Variants in ESRRG observed in about 807,000 individuals in gnomAD.
The protein encoded by ESRRG is estrogen-related receptor gamma.
A neutral mutation model predicts 44.0 loss-of-function variants in ESRRG; 13 were observed. That is an observed-to-expected ratio of 0.30 (90% CI 0.19 to 0.47). The LOEUF (loss-of-function observed/expected upper bound fraction) is 0.47. ESRRG is among the 20% of genes least tolerant of loss of function. ESRRG has a pLI of 1.00. For synonymous variants in ESRRG, 215 were observed against 214.6 expected (o/e 1.00, Z -0.02); for missense variants, 395 against 580.6 (o/e 0.68, Z 3.29).
At chr1:217,005,866 A>G (rs572302732) in intron 1 of ESRRG, among the ~76,000 whole-genome samples, 7 of 152,222 alleles carry the variant, frequency 4.6e-5, no homozygotes, top group African/African-American at 1.4e-4. Flanking sequence ...TAATGTGTCA[A>G]CTTCAGAGCC....
intron 2 of ESRRG, among the ~76,000 whole-genome samples, chr1:216,771,475 C>T (rs1225337081): frequency 6.6e-6 from 1 of 152,094 alleles, no homozygotes; most frequent in Non-Finnish European, 1.5e-5. Flanking sequence ...ATAATATATT[C>T]TAGTGTATTC....
In ESRRG at chr1:216,969,422, G is replaced by GA. The variant is rs893560743; in HGVS notation, c.-105-29750dup. Among the ~76,000 whole-genome samples, 105 of 151,292 alleles carry GA rather than the reference G, an allele frequency of 6.9e-4. 1 individual carries two copies. The highest frequency in any genetic ancestry group is 1.9e-3 in the African/African-American group (80 of 41,088). On this transcript the variant is annotated intron_variant, in intron 1 of 7. Coordinates refer to the ESRRG transcript ENST00000359162. ...CTCATCCAAATTGAAAAAAAACATA[G>GA]AAAAAAACATAAAAAATAGGTAAAC...
chr1:216,953,091 T>C (rs2150092739), intron 1 of ESRRG, among the ~76,000 whole-genome samples: 1 of 152,300 alleles, frequency 6.6e-6, no homozygotes, highest in East Asian at 1.9e-4. Flanking sequence ...TTCGAGCTTT[T>C]CTGACAGCCA....
At chr1:216,881,941 T>C (rs745779155) in intron 2 of ESRRG, among the ~76,000 whole-genome samples, 5 of 151,282 alleles carry the variant, frequency 3.3e-5, no homozygotes, top group South Asian at 4.2e-4. Flanking sequence ...ATGAGTCTTC[T>C]GAATGCAATG....
intron 2 of ESRRG, among the ~76,000 whole-genome samples, chr1:216,769,661 C>A (rs747248678): frequency 2.6e-5 from 4 of 152,038 alleles, no homozygotes; most frequent in South Asian, 2.1e-4. Context: ...AATGTGAATT[C>A]TCTTCTATTA....
At chr1:216,821,375 T>A (rs758545525) in intron 2 of ESRRG, among the ~76,000 whole-genome samples, 1 of 152,064 alleles carries the variant, frequency 6.6e-6, no homozygotes, top group Non-Finnish European at 1.5e-5. Context: ...TTTGTGGGGA[T>A]CTTAATGGTT....
intron 3 of ESRRG, among the ~76,000 whole-genome samples, chr1:216,636,967 T>G (rs1175750950): frequency 6.6e-6 from 1 of 152,234 alleles, no homozygotes; most frequent in Non-Finnish European, 1.5e-5. Flanking sequence ...TTTATTTTTC[T>G]ACACTATCCC....
chr1:217,135,255 C>A (rs1403536543), intron 1 of ESRRG, among the ~76,000 whole-genome samples: 1 of 152,008 alleles, frequency 6.6e-6, no homozygotes, highest in East Asian at 1.9e-4. Context: ...ACCCCCTGCT[C>A]CGCCCAGCCC....
chr1:217,108,866 G>A (rs930905339), intron 1 of ESRRG, among the ~76,000 whole-genome samples: 3 of 152,014 alleles, frequency 2.0e-5, no homozygotes, highest in South Asian at 2.1e-4. Context: ...ATGCAAGAAC[G>A]GCCTAACACA....
intron 5 of ESRRG, among the ~76,000 whole-genome samples, chr1:216,552,812 G>A (rs536284847): frequency 3.2e-4 from 49 of 152,176 alleles, no homozygotes; most frequent in Admixed American, 3.0e-3. Context: ...TATTAGAAAG[G>A]GGTGTTACAA....
Position 216,627,515 on chromosome 1 carries a change from C to T in ESRRG, c.589+23458G>A, listed in dbSNP as rs538339812. Reference sequence around the variant, plus strand: ...TATGGTGCCAGCTTTGCTTACTCTACTTTGCTGCGCAGGGTCAAGATATAA... The same window carrying T: ...TATGGTGCCAGCTTTGCTTACTCTATTTTGCTGCGCAGGGTCAAGATATAA... On this transcript the variant is annotated intron_variant, in intron 3 of 6. Coordinates refer to ENST00000408911, the MANE Select transcript of ESRRG (RefSeq NM_001438.4). 8.7e-4 allele frequency among the ~76,000 whole-genome samples: 133 copies of T among 152,286 alleles called. 2 individuals are homozygous for T. The highest frequency in any genetic ancestry group is 1.3e-3 in the Non-Finnish European group (87 of 68,018).
intron 3 of ESRRG, among the ~76,000 whole-genome samples, chr1:216,586,042 A>T (rs898846766): frequency 1.1e-4 from 10 of 92,644 alleles, no homozygotes; most frequent in African/African-American, 4.5e-4. Flanking sequence ...TCCGTCTCAA[A>T]ATAAATAAAT....
chr1:216,998,710 C>A (rs2076666800), intron 1 of ESRRG, among the ~76,000 whole-genome samples: 1 of 152,148 alleles, frequency 6.6e-6, no homozygotes, highest in Non-Finnish European at 1.5e-5. Flanking sequence ...TAGAAATATT[C>A]CTTCACACAG....
Position 216,503,472 on chromosome 1 carries a change from T to A in ESRRG, c.*3467A>T, listed in dbSNP as rs568568296. The A allele has an allele frequency of 6.6e-6, 1 of 152,660 alleles. No individual in the cohort carries two copies. The highest frequency in any genetic ancestry group is 2.1e-4 in the South Asian group (1 of 4,822). The allele number at this position is 152,660 out of a possible 1,614,324, so 9.5% of individuals were successfully genotyped here. ...TATACAATTGATTGCTTTACAGATG[T>A]GAAGCCCATCTACAGCTATAGACAT... On this transcript the variant is annotated 3_prime_UTR_variant, in exon 7 of 7. Transcript: ENST00000408911.
At chr1:216,654,362 CA>C in intron 2 of ESRRG, among the ~76,000 whole-genome samples, 1 of 152,020 alleles carries the variant, frequency 6.6e-6, no homozygotes, top group Non-Finnish European at 1.5e-5. Context: ...TGCGATGGCT[CA>C]CACCTGTAAT....
In ESRRG at chr1:216,685,079, G is replaced by A. The variant is rs759264229; in HGVS notation, c.57-7588C>T. On this transcript the variant is annotated intron_variant, in intron 1 of 6. Transcript: ENST00000408911. ...TACTTTACACAAGTTACTCTTCTGC[G>A]AACCAAAAGCCTAAAGACTGAAGGG... is the stretch of plus-strand genomic sequence containing the variant. 3.9e-5 allele frequency among the ~76,000 whole-genome samples: 6 copies of A among 152,016 alleles called. No individual in the cohort carries two copies. In the South Asian group the frequency reaches 6.2e-4, roughly 16 times the overall value.
chr1:216,931,850 A>C (rs1165053050), intron 2 of ESRRG, among the ~76,000 whole-genome samples: 36 of 146,986 alleles, frequency 2.4e-4, no homozygotes, highest in African/African-American at 7.0e-4. Flanking sequence ...AAAAAAAAAA[A>C]CACAAAATAA....
intron 3 of ESRRG, among the ~76,000 whole-genome samples, chr1:216,586,602 A>AGAT (rs2063847787): frequency 1.0e-5 from 1 of 97,020 alleles, no homozygotes; most frequent in Admixed American, 1.3e-4. Context: ...TTTTTTTTTG[A>AGAT]GATGGAGTCT....
chr1:216,926,669 A>G (rs1418929574), intron 2 of ESRRG, among the ~76,000 whole-genome samples: 1 of 152,246 alleles, frequency 6.6e-6, no homozygotes, highest in African/African-American at 2.4e-5. Flanking sequence ...TTGCAGCCAT[A>G]GAGATACAAA....
Sources: gnomAD v4.1 joint callset for allele counts (sites outside exome capture counted in the v4.1 genomes callset) on GRCh38, gnomAD v4.1.1 for gene constraint, MANE v1.5 for transcripts, NCBI Gene and HGNC (gene_info 2026-07-23, HGNC 2026-07-21) for gene names.